The following XRCC4 variants were observed in gnomAD, a reference collection of about 807,000 sequenced individuals.
XRCC4 encodes the protein X-ray repair cross complementing 4.
A neutral mutation model predicts 39.1 loss-of-function variants in XRCC4; 28 were observed. The observed-to-expected ratio is 0.72, with a 90% CI of 0.53 to 0.98. The LOEUF (loss-of-function observed/expected upper bound fraction) is 0.98, where lower values mean the gene tolerates loss of function less well. XRCC4 is among the 50% of genes least tolerant of loss of function. XRCC4 has a pLI of 0.00. For missense variants in XRCC4, 350 were observed against 376.4 expected, an observed-to-expected ratio of 0.93 and a Z score of 0.58; for synonymous variants, 123 against 126.4, an observed-to-expected ratio of 0.97 and a Z score of 0.18.
In XRCC4 at chr5:83,155,082, A is replaced by G. The variant is rs912961586; in HGVS notation, c.316-40688A>G. On this transcript the variant is annotated intron_variant, in intron 3 of 7. Coordinates refer to ENST00000396027, the MANE Select transcript of XRCC4 (RefSeq NM_003401.5). ...CTTAGTCCTGGGGCTGGGGCAGGAG[A>G]AAGAGGAAGGATATTGTTTCAACAA... 1.1e-4 allele frequency among the ~76,000 whole-genome samples: 17 copies of G among 152,268 alleles called. 1 individual carries two copies. Among genetic ancestry groups the G allele is most frequent in the Admixed American group, 6.5e-5 (1 of 15,292 alleles).
In XRCC4 at chr5:83,105,045, A is replaced by G. The variant is rs370291437; in HGVS notation, c.126A>G (p.Ala42=). 3.7e-6 allele frequency: 6 copies of G among 1,612,764 alleles called. No homozygotes were observed. Among genetic ancestry groups the G allele is most frequent in the Non-Finnish European group, 4.2e-6 (5 of 1,179,490 alleles). ...TTACACTTACTGATGGTCATTCAGCATGGACTGGGACAGGTAATACTAAAA... is the reference window on the plus strand; with the variant it reads ...TTACACTTACTGATGGTCATTCAGCGTGGACTGGGACAGGTAATACTAAAA... ...FVITLTDGHS[A]WTGTVSESEI... Residue 42 remains alanine (A), a synonymous_variant, in exon 2 of 8, where the codon GCA becomes GCG. Coordinates refer to ENST00000396027, the MANE Select transcript of XRCC4 (RefSeq NM_003401.5).
chr5:83,247,620 C>G (rs1246993296), intron 6 of XRCC4, among the ~76,000 whole-genome samples: 2 of 152,166 alleles, frequency 1.3e-5, no homozygotes, highest in Non-Finnish European at 2.9e-5. Context: ...TGCCATCGTA[C>G]TAGCAAGTTG....
downstream of XRCC4, among the ~76,000 whole-genome samples, chr5:83,354,521 C>T (rs1757167873): frequency 6.6e-6 from 1 of 152,142 alleles, no homozygotes; most frequent in Non-Finnish European, 1.5e-5. Context: ...ATTAACTTGT[C>T]ACAAAAGGAG....
chr5:83,136,734 AGACCT>A (rs1427735578), intron 3 of XRCC4, among the ~76,000 whole-genome samples: 3 of 152,216 alleles, frequency 2.0e-5, no homozygotes, highest in African/African-American at 7.2e-5. Flanking sequence ...GAAGCAATAA[AGACCT>A]GCAGTACTCT....
chr5:83,371,610 G>A, the XRCC4 span, among the ~76,000 whole-genome samples: 5 of 152,186 alleles, frequency 3.3e-5, no homozygotes, highest in Admixed American at 6.5e-5. Flanking sequence ...CACAGCAGGA[G>A]CACTTTCAGT....
intron 7 of XRCC4, among the ~76,000 whole-genome samples, chr5:83,317,011 C>A (rs1755912746): frequency 1.3e-5 from 1 of 74,408 alleles, no homozygotes. Context: ...ATCTCTCAGA[C>A]CACAGTGCAA....
At chr5:83,370,253 G>T in the XRCC4 span, among the ~76,000 whole-genome samples, 4 of 152,090 alleles carry the variant, frequency 2.6e-5, no homozygotes, top group African/African-American at 9.7e-5. Flanking sequence ...CTAAGTGTTT[G>T]ATTCTTGTTG....
At chr5:83,276,160 T>C (rs1406586420) in intron 7 of XRCC4, among the ~76,000 whole-genome samples, 1 of 152,188 alleles carries the variant, frequency 6.6e-6, no homozygotes, top group African/African-American at 2.4e-5. Flanking sequence ...GGTACAATAC[T>C]TCTCAAGATG....
intron 6 of XRCC4, among the ~76,000 whole-genome samples, chr5:83,223,835 C>G (rs1292902296): frequency 2.9e-5 from 3 of 102,800 alleles, no homozygotes; most frequent in African/African-American, 1.2e-4. Flanking sequence ...TCCCCCCTCC[C>G]CCCACCCCAT....
At chr5:83,208,551 C>CT (rs1275550402) in intron 6 of XRCC4, among the ~76,000 whole-genome samples, 3 of 151,918 alleles carry the variant, frequency 2.0e-5, no homozygotes, top group Non-Finnish European at 4.4e-5. Flanking sequence ...CAATTTATGG[C>CT]TTTTTTTCCT....
At position 83,247,241 on chromosome 5, in the gene XRCC4, C is replaced by T. The variant is rs1033819247; in HGVS notation, c.746-11289C>T. Among the ~76,000 whole-genome samples, 8 of 152,100 alleles carry T rather than the reference C, an allele frequency of 5.3e-5. No homozygotes were observed. The East Asian group carries it at 1.2e-3, about 22-fold the overall frequency. On this transcript the variant is annotated intron_variant, in intron 6 of 7. Transcript: ENST00000396027. ...AAATCATAAACACTATTTAGGTAGC[C>T]AACCAAGTAAGATGATGATGCCTTC...
the XRCC4 span, among the ~76,000 whole-genome samples, chr5:83,360,403 G>A: frequency 6.6e-6 from 1 of 152,110 alleles, no homozygotes; most frequent in African/African-American, 2.4e-5. Flanking sequence ...GTTTCTGTCT[G>A]CTGAAAGAGG....
chr5:83,338,578 A>AT (rs1561482360), intron 7 of XRCC4, among the ~76,000 whole-genome samples: 1 of 152,138 alleles, frequency 6.6e-6, no homozygotes, highest in African/African-American at 2.4e-5. Context: ...GAGAATTATT[A>AT]TTTTTTAAAC....
At chr5:83,331,925 C>A in intron 7 of XRCC4, among the ~76,000 whole-genome samples, 1 of 152,086 alleles carries the variant, frequency 6.6e-6, no homozygotes, top group East Asian at 1.9e-4. Context: ...TTTTCCACTA[C>A]TTCAGGATGG....
intron 7 of XRCC4, among the ~76,000 whole-genome samples, chr5:83,275,440 G>A (rs28360263): frequency 1.1e-4 from 16 of 150,762 alleles, no homozygotes; most frequent in African/African-American, 3.9e-4. Flanking sequence ...GACTACAGGC[G>A]CCCGCCACTA....
chr5:83,240,683 A>G (rs1752873513), intron 6 of XRCC4, among the ~76,000 whole-genome samples: 1 of 152,198 alleles, frequency 6.6e-6, no homozygotes, highest in African/African-American at 2.4e-5. Flanking sequence ...ACACAAAGGT[A>G]GGTTCTGTAT....
intron 6 of XRCC4, among the ~76,000 whole-genome samples, chr5:83,242,257 CTT>C (rs1184610684): frequency 6.6e-6 from 1 of 151,534 alleles, no homozygotes; most frequent in African/African-American, 2.4e-5. Flanking sequence ...GTACTCAACA[CTT>C]TTAATCTCCT....
chr5:83,230,699 C>T (rs191665919), intron 6 of XRCC4, among the ~76,000 whole-genome samples: 208 of 151,888 alleles, frequency 1.4e-3, no homozygotes, highest in East Asian at 3.9e-4. Context: ...CACCTAGGTC[C>T]CTTGGCAACT....
chr5:83,206,019 T>G (rs1436264168), intron 6 of XRCC4, among the ~76,000 whole-genome samples: 2 of 152,056 alleles, frequency 1.3e-5, no homozygotes, highest in Non-Finnish European at 2.9e-5. Context: ...AGATGAAGAC[T>G]GGGAGAATTA....
Sources: gnomAD v4.1 joint callset for allele counts (sites outside exome capture counted in the v4.1 genomes callset) on GRCh38, gnomAD v4.1.1 for gene constraint, MANE v1.5 for transcripts, NCBI Gene and HGNC (gene_info 2026-07-23, HGNC 2026-07-21) for gene names.